The following CDH12 variants were observed in gnomAD, a reference collection of about 807,000 sequenced individuals.
CDH12 encodes the protein cadherin 12, also known as cadherin-12.
A neutral mutation model predicts 74.1 loss-of-function variants in CDH12; 41 were observed. That is an observed-to-expected ratio of 0.55 (90% CI 0.43 to 0.72). The LOEUF (loss-of-function observed/expected upper bound fraction) is 0.72. Ranked by LOEUF, CDH12 falls within the 30% of genes least tolerant of loss-of-function variation. The probability of loss-of-function intolerance (pLI) is 0.00; values close to 1 mark genes in which losing one functional copy is unlikely to be tolerated. For synonymous variants in CDH12, 399 were observed against 355.0 expected, an observed-to-expected ratio of 1.12 and a Z score of -1.39; for missense variants, 945 against 977.2, an observed-to-expected ratio of 0.97 and a Z score of 0.44.
intron 3 of CDH12, among the ~76,000 whole-genome samples, chr5:22,283,806 G>A (rs564896587): frequency 6.6e-6 from 1 of 151,996 alleles, no homozygotes; most frequent in Admixed American, 6.6e-5. Flanking sequence ...GCAAGGCGAT[G>A]GATATCTTAA....
chr5:21,869,925 A>G (rs1412562077), intron 6 of CDH12, among the ~76,000 whole-genome samples: 1 of 151,938 alleles, frequency 6.6e-6, no homozygotes, highest in African/African-American at 2.4e-5. Context: ...CTTCAATTGT[A>G]CTCCCATAAT....
intron 3 of CDH12, among the ~76,000 whole-genome samples, chr5:22,341,037 A>C (rs78502964): frequency 6.6e-6 from 1 of 152,322 alleles, no homozygotes; most frequent in East Asian, 1.9e-4. Context: ...AGATCTGAAA[A>C]TATTCTAGTA....
chr5:21,855,799 C>T (rs1750727117), intron 6 of CDH12, among the ~76,000 whole-genome samples: 1 of 151,572 alleles, frequency 6.6e-6, no homozygotes, highest in African/African-American at 2.4e-5. Flanking sequence ...TCAGCCTTTT[C>T]TCTAAGAGTA....
At chr5:22,309,991 G>C (rs1381170983) in intron 3 of CDH12, among the ~76,000 whole-genome samples, 2 of 142,934 alleles carry the variant, frequency 1.4e-5, no homozygotes, top group Admixed American at 7.1e-5. Context: ...CACACACTGG[G>C]GGCTGTTGGG....
At chr5:22,023,618 C>T (rs1467019922) in intron 5 of CDH12, among the ~76,000 whole-genome samples, 1 of 151,520 alleles carries the variant, frequency 6.6e-6, no homozygotes, top group East Asian at 1.9e-4. Flanking sequence ...TCTATAATGA[C>T]AGGTAGAATC....
At chr5:22,751,742 C>T (rs924070095) in intron 1 of CDH12, among the ~76,000 whole-genome samples, 11 of 152,144 alleles carry the variant, frequency 7.2e-5, no homozygotes, top group African/African-American at 2.7e-4. Flanking sequence ...GCTAGCAAAA[C>T]ACATCTAATA....
At chr5:22,012,459 G>A (rs903731545) in intron 5 of CDH12, among the ~76,000 whole-genome samples, 2 of 152,056 alleles carry the variant, frequency 1.3e-5, no homozygotes, top group African/African-American at 4.8e-5. Flanking sequence ...GCTTCTACTT[G>A]CAAATGATAT....
At chr5:22,254,171 T>G (rs540003704) in intron 3 of CDH12, among the ~76,000 whole-genome samples, 6 of 151,944 alleles carry the variant, frequency 3.9e-5, no homozygotes, top group Admixed American at 2.6e-4. Context: ...GGTATATACA[T>G]GAATAACTAG....
Position 22,209,615 on chromosome 5 carries a change from T to C in CDH12, c.-187+2883A>G, listed in dbSNP as rs1751416961. On this transcript the variant is annotated intron_variant, in intron 4 of 14. Transcript: ENST00000382254. ...AGAGACTTTGCTTACAGTAGAGTGTTTTTTCTGTCAGTAGTAATCAGAATT... is the reference window on the plus strand; with the variant it reads ...AGAGACTTTGCTTACAGTAGAGTGTCTTTTCTGTCAGTAGTAATCAGAATT... Among the ~76,000 whole-genome samples, 3 of 150,164 alleles carry C rather than the reference T, an allele frequency of 2.0e-5. No homozygotes were observed. The South Asian group carries it at 6.4e-4, about 32-fold the overall frequency.
At chr5:22,427,314 C>G (rs182229454) in intron 2 of CDH12, among the ~76,000 whole-genome samples, 1 of 151,986 alleles carries the variant, frequency 6.6e-6, no homozygotes, top group East Asian at 1.9e-4. Flanking sequence ...ACTACAGGCA[C>G]GCACCACCAC....
At chr5:21,835,478 T>C (rs1355353211) in intron 8 of CDH12, among the ~76,000 whole-genome samples, 1 of 151,748 alleles carries the variant, frequency 6.6e-6, no homozygotes, top group East Asian at 1.9e-4. Flanking sequence ...ATTAAGTACC[T>C]GACAAAGTGT....
At chr5:22,580,394 G>A (rs1005392186) in intron 1 of CDH12, 18 of 489,102 alleles carry the variant, frequency 3.7e-5, no homozygotes, top group Non-Finnish European at 7.1e-5. Context: ...CCCCATCGTA[G>A]GGTGGGTAGG....
chr5:22,214,771 T>C (rs1220131330), intron 3 of CDH12, among the ~76,000 whole-genome samples: 2 of 152,238 alleles, frequency 1.3e-5, no homozygotes, highest in Non-Finnish European at 2.9e-5. Context: ...AGATGGGTTC[T>C]ATCTGGAAAC....
At chr5:22,245,005 C>T (rs957215129) in intron 3 of CDH12, among the ~76,000 whole-genome samples, 5 of 152,016 alleles carry the variant, frequency 3.3e-5, no homozygotes, top group Non-Finnish European at 5.9e-5. Flanking sequence ...AAGCAGGGCC[C>T]GCTGATATGG....
At chr5:22,119,904 G>C (rs940560976) in intron 4 of CDH12, among the ~76,000 whole-genome samples, 1 of 152,092 alleles carries the variant, frequency 6.6e-6, no homozygotes, top group Non-Finnish European at 1.5e-5. Flanking sequence ...AAAATAAAAG[G>C]ATGCTAATAA....
chr5:22,354,801 T>G (rs1740495708), intron 3 of CDH12, among the ~76,000 whole-genome samples: 2 of 152,218 alleles, frequency 1.3e-5, no homozygotes, highest in Non-Finnish European at 2.9e-5. Context: ...CCCATTATAC[T>G]TGAAAATCCC....
At chr5:22,664,786 G>T (rs920082613) in intron 1 of CDH12, among the ~76,000 whole-genome samples, 1 of 152,066 alleles carries the variant, frequency 6.6e-6, no homozygotes, top group East Asian at 1.9e-4. Flanking sequence ...TATAGACGTA[G>T]ATTTCAAAAC....
chr5:22,052,181 C>T (rs1405110421), intron 5 of CDH12, among the ~76,000 whole-genome samples: 1 of 152,110 alleles, frequency 6.6e-6, no homozygotes, highest in African/African-American at 2.4e-5. Flanking sequence ...AAAAACAACG[C>T]TGTCTATTAC....
intron 10 of CDH12, among the ~76,000 whole-genome samples, chr5:21,790,276 C>A (rs753583329): frequency 2.6e-5 from 4 of 151,962 alleles, no homozygotes; most frequent in Admixed American, 6.6e-5. Flanking sequence ...TTTTTGATAA[C>A]GAGTTTAAAA....
Sources: gnomAD v4.1 joint callset for allele counts (sites outside exome capture counted in the v4.1 genomes callset) on GRCh38, gnomAD v4.1.1 for gene constraint, MANE v1.5 for transcripts, NCBI Gene and HGNC (gene_info 2026-07-23, HGNC 2026-07-21) for gene names.